ATP8B3: variants seen among roughly 807,000 people sequenced by gnomAD.
The protein encoded by ATP8B3 is phospholipid-transporting ATPase IK.
A neutral mutation model predicts 140.9 loss-of-function variants in ATP8B3; 141 were observed. The observed-to-expected ratio is 1.00, with a 90% confidence interval of 0.87 to 1.15. The LOEUF (loss-of-function observed/expected upper bound fraction) is 1.15. Ranked by LOEUF, ATP8B3 falls within the 50% of genes most tolerant of loss-of-function variation. ATP8B3 has a pLI of 0.00. For missense variants in ATP8B3, 1,874 were observed against 1,740.6 expected (o/e 1.08, Z -1.36); for synonymous variants, 765 against 714.6 (o/e 1.07, Z -1.13).
Position 1,789,656 on chromosome 19 carries a change from C to G in ATP8B3, c.2550G>C (p.Trp850Cys). ...LAQNVNMDEAWQELGQSRRDF... is the reference protein window; with the variant it reads ...LAQNVNMDEACQELGQSRRDF... ...CCCTCCTGGACTGGCCGAGCTCCTG[C>G]CACGCCTCGTCCATGTTCACGTTCT... The change falls in exon 23 of 29, where the codon TGG (tryptophan) becomes TGC (cysteine). Residue 850 changes from tryptophan (W) to cysteine (C), a missense_variant. This residue lies in a region of ATP8B3 where 840 missense variants were observed against 760.9 expected (regional missense o/e 1.10). Transcript: ENST00000310127. 1 of 1,600,712 alleles carries G rather than the reference C, an allele frequency of 6.2e-7. No individual in the cohort carries two copies. The highest frequency in any genetic ancestry group is 8.5e-7 in the Non-Finnish European group (1 of 1,176,506).
chr19:1,804,481 G>A (rs7257675), intron 10 of ATP8B3, among the ~76,000 whole-genome samples: 11,382 of 152,150 alleles, frequency 0.075, 647 homozygotes, highest in African/African-American at 0.16. Context: ...GGTGGCGGGC[G>A]CCTGTAGTCC....
At chr19:1,790,648 C>G (rs2068475068) in intron 21 of ATP8B3, 109 bp downstream of exon 21, 1 of 806,158 alleles carries the variant, frequency 1.2e-6, no homozygotes, top group Non-Finnish European at 1.8e-6. Flanking sequence ...CTCAATCCCC[C>G]CCTTCCCACT....
rs755821351 is a variant in ATP8B3 at position 1,791,840 on chromosome 19, C to G, written c.2212G>C (p.Glu738Gln). Residue 738 changes from glutamate to glutamine, a missense_variant, in exon 20 of 29, where the codon GAG (glutamate) becomes CAG (glutamine). Transcript: ENST00000310127. The stretch of plus-strand genomic sequence containing the variant: ...GGGACACCGTCCTGGAGTCTGTCCT[C>G]GATGGCTGTGGCTCCCAGCAGCTGG... ...LQQLLGATAI[E>Q]DRLQDGVPET... is the part of the protein sequence containing the mutation. 1.2e-6 allele frequency: 2 copies of G among 1,611,340 alleles called. No homozygotes were observed. The highest frequency in any genetic ancestry group is 1.7e-6 in the Non-Finnish European group (2 of 1,179,784).
chr19:1,791,013 C>T (rs2068491421), intron 20 of ATP8B3, among the ~76,000 whole-genome samples, 181 bp from the exon 21 acceptor site: 1 of 152,174 alleles, frequency 6.6e-6, no homozygotes, highest in African/African-American at 2.4e-5. Context: ...AGAGCCAGCC[C>T]TGAGATTTTG....
chr19:1,793,676 C>T (rs555140481), intron 18 of ATP8B3, among the ~76,000 whole-genome samples: 48 of 152,362 alleles, frequency 3.2e-4, no homozygotes, highest in African/African-American at 1.1e-3. Flanking sequence ...TCTTACCCCC[C>T]GACCCTGCCC....
intron 4 of ATP8B3, 57 bp downstream of exon 4, chr19:1,809,586 C>T: frequency 6.8e-7 from 1 of 1,476,082 alleles, no homozygotes; most frequent in Non-Finnish European, 9.3e-7. Context: ...AAATAGATTC[C>T]CCGAGGGTAC....
Position 1,805,377 on chromosome 19 carries a change from G to C in ATP8B3, c.901C>G (p.Gln301Glu). The change falls in exon 10 of 29, where the codon CAA (glutamine) becomes GAA (glutamate). Residue 301 changes from glutamine to glutamate, a missense_variant. This residue lies in a region of ATP8B3 where 1,032 missense variants were observed against 963.6 expected (regional missense o/e 1.07). Coordinates refer to ENST00000310127, the MANE Select transcript of ATP8B3 (RefSeq NM_138813.4). The surrounding 1 kb of genome is among the most constrained non-coding windows in gnomAD (Gnocchi z 5.2). The part of the protein sequence containing the change: ...LATIKKMASF[Q>E]GTVTCEAPNS... ...CTCCCTGCTCAACGCCTCTCACCTT[G>C]AAAGGACGCCATCTTCTTTATAGTG... 6.4e-7 allele frequency: 1 copy of C among 1,563,586 alleles called. No homozygotes were observed. Among genetic ancestry groups the C allele is most frequent in the Non-Finnish European group, 8.7e-7 (1 of 1,151,832 alleles).
rs2068415411 is a variant in ATP8B3, at chr19:1,789,403, G to A, written c.2803C>T (p.Leu935=). The A allele has an allele frequency of 1.3e-6, 2 of 1,592,572 alleles. No homozygotes were observed. The highest frequency in any genetic ancestry group is 1.1e-5 in the South Asian group (1 of 90,320). ...TCGTTGGCACCGTCCCCGATGGCCA[G>A]GGTCACCACCTGGTGGTACTTCTTG... ...LVKKYHQVVT[L]AIGDGANDIN... is the part of the protein sequence containing the mutation. Residue 935 remains leucine (L), a synonymous_variant, in exon 23 of 29, where the codon CTG becomes TTG. Transcript: ENST00000310127.
At chr19:1,786,664 G>A (rs1236423134) in intron 25 of ATP8B3, among the ~76,000 whole-genome samples, 4 of 152,212 alleles carry the variant, frequency 2.6e-5, no homozygotes, top group East Asian at 1.9e-4. Context: ...TCATGGGCAC[G>A]TATGGCTGCT....
rs1185612248 is a variant in ATP8B3 at position 1,782,795 on chromosome 19, GAC to G, written c.*231_*232del. On this transcript the variant is annotated 3_prime_UTR_variant, in exon 29 of 29. Transcript: ENST00000310127. ...AGGAGAAGGTGGCCTCTGCTTGGGT[GAC>G]AATGACCTCTCCTGTGCCCTTGGCA... 1.8e-6 allele frequency: 1 copy of G among 561,118 alleles called. No individual in the cohort carries two copies. The highest frequency in any genetic ancestry group is 3.1e-5 in the East Asian group (1 of 32,594). 34.8% of individuals were successfully genotyped at this position (561,118 alleles called of 1,614,324 possible). A position where few individuals can be genotyped will look rare whatever the true frequency, so the allele number is the denominator to read the frequency against.
At chr19:1,809,764 G>A in intron 3 of ATP8B3, 30 bp from the exon 4 acceptor site, 1 of 1,571,570 alleles carries the variant, frequency 6.4e-7, no homozygotes, top group African/African-American at 1.3e-5. Context: ...CGTCGCTGGA[G>A]CTCGAGGCCC....
rs973871884 is a variant in ATP8B3, at chr19:1,794,574, G to T, written c.2055+1301C>A. ...GGACCAGGGGGAGGCAGCCTGGGGTGATGACAGCCCCATGTTGGCAGGGGG... is the reference window on the plus strand; with the variant it reads ...GGACCAGGGGGAGGCAGCCTGGGGTTATGACAGCCCCATGTTGGCAGGGGG... On this transcript the variant is annotated intron_variant, in intron 18 of 28. Coordinates refer to ENST00000310127, the MANE Select transcript of ATP8B3 (RefSeq NM_138813.4). The surrounding 1 kb of genome is among the most constrained non-coding windows in gnomAD (Gnocchi z 4.8). Among the ~76,000 whole-genome samples the T allele has an allele frequency of 3.9e-5, 6 of 152,156 alleles. No individual in the cohort carries two copies. The highest frequency in any genetic ancestry group is 2.9e-5 in the Non-Finnish European group (2 of 68,010).
In ATP8B3 at chr19:1,791,419, G is replaced by T. The variant is rs781235700; in HGVS notation, c.2302+331C>A. On this transcript the variant is annotated intron_variant, in intron 20 of 28. Transcript: ENST00000310127. ...TTTTTTTTTTTTGAGACAGAGTCTC[G>T]CTCTGTCGCCCAGGCTGGAGTGCAA... Among the ~76,000 whole-genome samples, 9 of 147,526 alleles carry T rather than the reference G, an allele frequency of 6.1e-5. No individual in the cohort carries two copies. In the East Asian group the frequency reaches 1.4e-3, roughly 23 times the overall value.
chr19:1,805,296 T>C lies in ATP8B3; in HGVS notation c.904+78A>G. The C allele has an allele frequency of 7.2e-7, 1 of 1,384,144 alleles. No individual in the cohort carries two copies. The highest frequency in any genetic ancestry group is 1.0e-6 in the Non-Finnish European group (1 of 995,576). 85.7% of individuals were successfully genotyped at this position (1,384,144 alleles called of 1,614,324 possible). A position where few individuals can be genotyped will look rare whatever the true frequency, so the allele number is the denominator to read the frequency against. ...GGCCAGCACCTTGTTTTAAAAACAG[T>C]AATAACAACAACAAAATACCCTAAC... On this transcript the variant is annotated intron_variant, in intron 10 of 28. Coordinates refer to ENST00000310127, the MANE Select transcript of ATP8B3 (RefSeq NM_138813.4). The surrounding 1 kb of genome is among the most constrained non-coding windows in gnomAD (Gnocchi z 5.2).
chr19:1,804,575 T>A (rs7408245), intron 10 of ATP8B3, among the ~76,000 whole-genome samples: 3 of 150,436 alleles, frequency 2.0e-5, no homozygotes, highest in South Asian at 4.2e-4. Context: ...GCCACTGCAC[T>A]CCAGCCTGGG....
intron 4 of ATP8B3, among the ~76,000 whole-genome samples, chr19:1,809,096 C>T (rs1038340851): frequency 2.6e-5 from 4 of 152,030 alleles, no homozygotes; most frequent in African/African-American, 9.7e-5. Flanking sequence ...ATCACTAGAA[C>T]CCGGGAGGCA....
Position 1,806,584 on chromosome 19 carries a change from GC to G in ATP8B3, c.677+43del, listed in dbSNP as rs1439950904. ...AGGCCGATGACCCTGCTGGGCTGGA[GC>G]CCCCGTGTCCCCGCGGATCCCCAGC... On this transcript the variant is annotated intron_variant, in intron 7 of 28. Transcript: ENST00000310127. The surrounding 1 kb of genome is among the most constrained non-coding windows in gnomAD (Gnocchi z 5.6). 6.5e-7 allele frequency: 1 copy of G among 1,549,520 alleles called. No homozygotes were observed.
chr19:1,788,788 C>T (rs775702421), intron 24 of ATP8B3, 109 bp downstream of exon 24: 48 of 1,094,400 alleles, frequency 4.4e-5, no homozygotes, highest in Non-Finnish European at 5.9e-5. Context: ...CCCTGTCCAC[C>T]GAGGATCCCA....
chr19:1,800,095 G>C lies in ATP8B3; in HGVS notation c.1404C>G (p.Tyr468Ter). ...CCTTGGCAGGCACGTCCTGCGGCTT[G>C]TAGTACATCTGCACGTCCCAGTCGA... Reference protein sequence around the residue: ...VFIDWDVQMYYKPQDVPAKAR... With the variant: ...VFIDWDVQMY The change falls in exon 14 of 29, where the codon TAC (tyrosine) becomes TAG (stop). Residue 468 changes from tyrosine (Y) to a stop codon, truncating the protein, a stop_gained. Transcript: ENST00000310127. LOFTEE classifies it high-confidence loss of function. This position sits in a 1 kb window ranked among gnomAD's most constrained non-coding sequence, Gnocchi z 4.4. The C allele has an allele frequency of 6.4e-7, 1 of 1,572,672 alleles. No individual in the cohort carries two copies.
Sources: gnomAD v4.1 joint callset for allele counts (sites outside exome capture counted in the v4.1 genomes callset) on GRCh38, gnomAD v4.1.1 for gene constraint, gnomAD v4.1.1 regional missense constraint, Gnocchi (gnomAD v3.1) non-coding constraint, MANE v1.5 for transcripts, NCBI Gene and HGNC (gene_info 2026-07-23, HGNC 2026-07-21) for gene names.